Variants in TENM3 observed in about 807,000 individuals in gnomAD.
TENM3 encodes teneurin transmembrane protein 3.
A neutral mutation model predicts 255.1 loss-of-function variants in TENM3; 63 were observed. The ratio of observed to expected loss-of-function variants is 0.25; its 90% confidence interval spans 0.20 to 0.30. TENM3 has a LOEUF of 0.30. Ranked by LOEUF, TENM3 falls within the 10% of genes least tolerant of loss-of-function variation. The pLI, the probability that TENM3 is intolerant of heterozygous loss-of-function variation, is 1.00. For missense variants in TENM3, 2,929 were observed against 3,461.1 expected (o/e 0.85, Z 3.86); for synonymous variants, 1,306 against 1,322.3 (o/e 0.99, Z 0.27).
intron 22 of TENM3, among the ~76,000 whole-genome samples, chr4:182,758,499 T>G (rs779752805): frequency 1.3e-5 from 2 of 152,292 alleles, no homozygotes; most frequent in Non-Finnish European, 2.9e-5. Context: ...TTCTGCTGCT[T>G]GTCTCCCGAC....
At chr4:181,986,121 T>A in the TENM3 span, among the ~76,000 whole-genome samples, 1 of 152,112 alleles carries the variant, frequency 6.6e-6, no homozygotes, top group Non-Finnish European at 1.5e-5. Flanking sequence ...TTCTTCAGGA[T>A]GGCTCTGCCC....
intron 1 of TENM3, among the ~76,000 whole-genome samples, chr4:182,276,376 C>A (rs1203005997): frequency 1.3e-5 from 2 of 152,124 alleles, no homozygotes; most frequent in East Asian, 3.9e-4. Flanking sequence ...TTTAAACGGG[C>A]AGAACACTCT....
intron 2 of TENM3, among the ~76,000 whole-genome samples, chr4:182,343,467 A>G (rs1249583587): frequency 6.6e-6 from 1 of 152,222 alleles, no homozygotes; most frequent in Non-Finnish European, 1.5e-5. Context: ...TAAAGAAAAC[A>G]TGGAAAATGA....
intron 1 of TENM3, among the ~76,000 whole-genome samples, chr4:182,248,420 T>A (rs968491810): frequency 6.6e-6 from 1 of 152,230 alleles, no homozygotes; most frequent in African/African-American, 2.4e-5. Flanking sequence ...TCAAAGGCAT[T>A]ATTGTACATT....
the TENM3 span, among the ~76,000 whole-genome samples, chr4:181,718,472 C>T: frequency 6.6e-6 from 1 of 152,206 alleles, no homozygotes; most frequent in Non-Finnish European, 1.5e-5. Context: ...ATGATTATGT[C>T]TCTTTTTACC....
the TENM3 span, among the ~76,000 whole-genome samples, chr4:181,772,284 G>C: frequency 6.6e-6 from 1 of 151,818 alleles, no homozygotes; most frequent in Non-Finnish European, 1.5e-5. Flanking sequence ...AGGCTGAGGC[G>C]GGAGAATTGC....
chr4:182,757,980 A>C (rs1312353885), intron 22 of TENM3, among the ~76,000 whole-genome samples: 1 of 152,188 alleles, frequency 6.6e-6, no homozygotes, highest in Admixed American at 6.5e-5. Context: ...AATTTTATAT[A>C]TATCCATATA....
the TENM3 span, among the ~76,000 whole-genome samples, chr4:182,058,987 G>A: frequency 2.8e-4 from 22 of 78,802 alleles, no homozygotes; most frequent in African/African-American, 1.2e-3. Context: ...TGTGTTTGTG[G>A]CAAGCTAGAG....
intron 1 of TENM3, among the ~76,000 whole-genome samples, chr4:182,232,131 C>T (rs563949131): frequency 2.1e-4 from 32 of 152,222 alleles, no homozygotes; most frequent in Non-Finnish European, 4.0e-4. Flanking sequence ...TTGTTGGTAG[C>T]GTATATACAA....
At chr4:181,469,823 T>C in the TENM3 span, among the ~76,000 whole-genome samples, 1 of 152,172 alleles carries the variant, frequency 6.6e-6, no homozygotes, top group African/African-American at 2.4e-5. Flanking sequence ...TTGTTATACC[T>C]GAGACTCGTA....
the TENM3 span, among the ~76,000 whole-genome samples, chr4:181,736,458 G>C: frequency 5.9e-5 from 9 of 152,052 alleles, no homozygotes; most frequent in South Asian, 4.2e-4. Context: ...GTTATAGCTT[G>C]CCTTTGGATA....
rs1015349053 is a variant in TENM3, at chr4:182,720,741, C to T, written c.2368+6508C>T. 6.0e-5 allele frequency among the ~76,000 whole-genome samples: 9 copies of T among 149,492 alleles called. 1 individual carries two copies. In the South Asian group the frequency reaches 8.5e-4, roughly 14 times the overall value. On this transcript the variant is annotated intron_variant, in intron 13 of 27. Coordinates refer to ENST00000511685, the MANE Select transcript of TENM3 (RefSeq NM_001080477.4). ...GAAGAAGAGGAAAATCAGAGCCACA[C>T]GGGTTGGTACTAAAAGTCTCCCCTC...
At position 182,641,494 on chromosome 4, in the gene TENM3, A is replaced by G. The variant is rs17073691; in HGVS notation, c.989-12277A>G. Reference sequence around the variant, plus strand: ...GCTTAAGTCAGTAGCATACATAAACATTTGTTACATAAAAGTAGTATGCAG... The same window carrying G: ...GCTTAAGTCAGTAGCATACATAAACGTTTGTTACATAAAAGTAGTATGCAG... On this transcript the variant is annotated intron_variant, in intron 5 of 27. Coordinates refer to ENST00000511685, the MANE Select transcript of TENM3 (RefSeq NM_001080477.4). Among the ~76,000 whole-genome samples the G allele has an allele frequency of 3.5e-3, 528 of 151,654 alleles. 1 individual carries two copies. Among genetic ancestry groups the G allele is most frequent in the African/African-American group, 0.012 (512 of 41,354 alleles).
At chr4:181,623,985 CT>C in the TENM3 span, among the ~76,000 whole-genome samples, 17 of 152,334 alleles carry the variant, frequency 1.1e-4, no homozygotes, top group African/African-American at 4.1e-4. Flanking sequence ...GTCCTTGCTC[CT>C]TTTTGAGCAC....
At chr4:182,453,897 C>G (rs1580603469) in intron 3 of TENM3, among the ~76,000 whole-genome samples, 1 of 152,098 alleles carries the variant, frequency 6.6e-6, no homozygotes, top group African/African-American at 2.4e-5. Flanking sequence ...ATTATTTAAC[C>G]ATTATTTCAT....
chr4:181,911,974 T>G, the TENM3 span, among the ~76,000 whole-genome samples: 1 of 152,230 alleles, frequency 6.6e-6, no homozygotes, highest in Admixed American at 6.5e-5. Flanking sequence ...TAAGGCATCT[T>G]GCTACAACTC....
the TENM3 span, among the ~76,000 whole-genome samples, chr4:182,062,233 T>G: frequency 1.3e-5 from 2 of 152,144 alleles, no homozygotes; most frequent in Non-Finnish European, 2.9e-5. Context: ...TTTTAGAAAT[T>G]GTCAACAAAG....
the TENM3 span, among the ~76,000 whole-genome samples, chr4:182,039,456 G>A: frequency 2.0e-5 from 3 of 152,084 alleles, no homozygotes; most frequent in Non-Finnish European, 4.4e-5. Flanking sequence ...AGTATGCTTA[G>A]GTACACAGCA....
At chr4:182,027,213 A>G in the TENM3 span, among the ~76,000 whole-genome samples, 1 of 151,784 alleles carries the variant, frequency 6.6e-6, no homozygotes, top group Non-Finnish European at 1.5e-5. Context: ...TGTAAATGGG[A>G]TTACTTTAAT....
Sources: allele counts gnomAD v4.1 joint callset (sites outside exome capture counted in the v4.1 genomes callset), GRCh38; gene constraint gnomAD v4.1.1; transcripts MANE v1.5; gene names NCBI Gene and HGNC (gene_info 2026-07-23, HGNC 2026-07-21).